The following TBC1D1 variants were observed in gnomAD, a reference collection of about 807,000 sequenced individuals.
TBC1D1 encodes the protein TBC1 domain family member 1.
Under a neutral mutation model 125.6 loss-of-function variants are expected in TBC1D1, and 89 were observed. The observed-to-expected ratio is 0.71, with a 90% confidence interval of 0.60 to 0.85. The LOEUF (loss-of-function observed/expected upper bound fraction) is 0.85. Among genes scored for constraint, TBC1D1 ranks in the 40% least tolerant of loss-of-function variants. The probability of loss-of-function intolerance (pLI) is 0.00; values close to 1 mark genes in which losing one functional copy is unlikely to be tolerated. For missense variants in TBC1D1, 1,377 were observed against 1,469.2 expected, an observed-to-expected ratio of 0.94 and a Z score of 1.03; for synonymous variants, 565 against 564.1, an observed-to-expected ratio of 1.00 and a Z score of -0.02.
chr4:38,099,496 C>T (rs1027993558), intron 14 of TBC1D1, among the ~76,000 whole-genome samples: 3 of 152,210 alleles, frequency 2.0e-5, no homozygotes, highest in Non-Finnish European at 4.4e-5. Flanking sequence ...CCTTCCTCCT[C>T]TTCACTGTCA....
At chr4:38,034,631 T>C (rs1746854553) in intron 7 of TBC1D1, among the ~76,000 whole-genome samples, 1 of 152,194 alleles carries the variant, frequency 6.6e-6, no homozygotes, top group Non-Finnish European at 1.5e-5. Flanking sequence ...ATTCAGATCC[T>C]TGTGTAGTTG....
chr4:38,064,005 C>G (rs975810799), intron 12 of TBC1D1, among the ~76,000 whole-genome samples: 1 of 151,868 alleles, frequency 6.6e-6, no homozygotes, highest in South Asian at 2.1e-4. Context: ...CCGTCCACCT[C>G]TAACCATAGA....
intron 2 of TBC1D1, among the ~76,000 whole-genome samples, chr4:37,929,689 T>A (rs575159418): frequency 1.8e-4 from 27 of 152,372 alleles, no homozygotes; most frequent in African/African-American, 5.8e-4. Context: ...GATGTAACTA[T>A]GCTTATATCA....
chr4:37,967,086 C>T (rs73810075), intron 2 of TBC1D1, among the ~76,000 whole-genome samples: 1,641 of 152,130 alleles, frequency 0.011, 36 homozygotes, highest in African/African-American at 0.038. Flanking sequence ...CTGTGCAATT[C>T]GAATCCAAAA....
chr4:38,051,061 ACTC>A, intron 11 of TBC1D1, among the ~76,000 whole-genome samples: 1 of 152,114 alleles, frequency 6.6e-6, no homozygotes, highest in African/African-American at 2.4e-5. Context: ...CTGCCTGCCC[ACTC>A]CTCTGTTGTT....
intron 12 of TBC1D1, among the ~76,000 whole-genome samples, chr4:38,070,869 C>T (rs1395281379): frequency 6.6e-6 from 1 of 152,094 alleles, no homozygotes; most frequent in African/African-American, 2.4e-5. Flanking sequence ...TCTAGAAAAC[C>T]TCATCTTCTC....
intron 13 of TBC1D1, among the ~76,000 whole-genome samples, 159 bp from the exon 16 acceptor site, chr4:38,095,770 A>G (rs1160642496): frequency 1.3e-5 from 2 of 152,194 alleles, no homozygotes; most frequent in Non-Finnish European, 2.9e-5. Flanking sequence ...AAAATGAGGA[A>G]AATGGGTAGA....
chr4:38,044,673 G>T (rs1178163967), intron 9 of TBC1D1, among the ~76,000 whole-genome samples, 183 bp downstream of exon 9: 1 of 151,904 alleles, frequency 6.6e-6, no homozygotes, highest in Non-Finnish European at 1.5e-5. Flanking sequence ...TTTGGCCTAG[G>T]TTTAAAAAAA....
chr4:37,992,051 C>G (rs979519144), intron 2 of TBC1D1, among the ~76,000 whole-genome samples: 1 of 152,220 alleles, frequency 6.6e-6, no homozygotes. Context: ...TTGAGTGGAG[C>G]CCCATTGGTG....
chr4:37,940,972 G>C (rs968329426), intron 2 of TBC1D1, among the ~76,000 whole-genome samples: 1 of 152,108 alleles, frequency 6.6e-6, no homozygotes, highest in Non-Finnish European at 1.5e-5. Flanking sequence ...CAGGGATATT[G>C]GTTTATAATT....
rs1017002442 is a variant in TBC1D1 at position 38,103,176 on chromosome 4, T to C, written c.2557+19T>C. The C allele has an allele frequency of 1.3e-6, 2 of 1,596,548 alleles. No individual in the cohort carries two copies. Among genetic ancestry groups the C allele is most frequent in the African/African-American group, 2.7e-5 (2 of 74,156 alleles). On this transcript the variant is annotated intron_variant, in intron 15 of 19. Coordinates refer to ENST00000261439, the MANE Select transcript of TBC1D1 (RefSeq NM_015173.4). The stretch of plus-strand genomic sequence containing the variant: ...GACCTTGGTAAGTCTGTGCCATCGA[T>C]TGGAGATGACAATGGAAGTTTCACT...
At chr4:37,927,869 G>C (rs1353961622) in intron 2 of TBC1D1, among the ~76,000 whole-genome samples, 1 of 152,158 alleles carries the variant, frequency 6.6e-6, no homozygotes, top group Non-Finnish European at 1.5e-5. Flanking sequence ...CCTGTGAATA[G>C]CCACCGCACT....
intron 2 of TBC1D1, among the ~76,000 whole-genome samples, chr4:37,991,357 G>A (rs1447872938): frequency 6.6e-6 from 1 of 152,178 alleles, no homozygotes; most frequent in Non-Finnish European, 1.5e-5. Context: ...GTACCTCTCC[G>A]CTGATCTGGG....
chr4:38,086,585 C>A (rs1015245102), intron 12 of TBC1D1, among the ~76,000 whole-genome samples: 3 of 152,116 alleles, frequency 2.0e-5, no homozygotes, highest in Non-Finnish European at 4.4e-5. Context: ...GGCCTGGATC[C>A]CCCGACCAAA....
intron 18 of TBC1D1, among the ~76,000 whole-genome samples, chr4:38,128,142 T>G (rs1414499240): frequency 1.3e-5 from 2 of 152,150 alleles, no homozygotes; most frequent in African/African-American, 2.4e-5. Flanking sequence ...CAGAGAGCAA[T>G]TCTCAGAACC....
chr4:37,893,853 G>A (rs1239694502), intron 1 of TBC1D1, among the ~76,000 whole-genome samples: 1 of 152,122 alleles, frequency 6.6e-6, no homozygotes, highest in East Asian at 1.9e-4. Flanking sequence ...AAGGATTTAG[G>A]TTTTCAGTCA....
rs781771203 is a variant in TBC1D1, at chr4:38,137,330, G to A, written c.3502G>A (p.Asp1168Asn). The change falls in exon 20 of 20, where the codon GAC (aspartate) becomes AAC (asparagine). Residue 1168 changes from aspartate to asparagine, a missense_variant. Physicochemically the swap from Asp to Asn is conservative, Grantham distance 23. Coordinates refer to ENST00000261439, the MANE Select transcript of TBC1D1 (RefSeq NM_015173.4). Reference sequence around the variant, plus strand: ...GTGCACGCAGCCCGAGCCCACGGGCGACTGACAGCTCTGCAGGAGAGATTG... The same window carrying A: ...GTGCACGCAGCCCGAGCCCACGGGCAACTGACAGCTCTGCAGGAGAGATTG... 17 of 1,605,314 alleles carry A rather than the reference G, an allele frequency of 1.1e-5. No homozygotes were observed. Among genetic ancestry groups the A allele is most frequent in the South Asian group, 3.3e-5 (3 of 90,210 alleles).
intron 2 of TBC1D1, among the ~76,000 whole-genome samples, chr4:37,946,862 C>T (rs1577988240): frequency 6.6e-6 from 1 of 152,218 alleles, no homozygotes; most frequent in East Asian, 1.9e-4. Flanking sequence ...TGGTATTTAC[C>T]CAAGAGAAAG....
intron 2 of TBC1D1, among the ~76,000 whole-genome samples, chr4:37,954,606 G>A (rs982814823): frequency 1.3e-5 from 2 of 152,122 alleles, no homozygotes; most frequent in Non-Finnish European, 2.9e-5. Flanking sequence ...AAGAATGGAC[G>A]GAGACCAGTG....
Sources: gnomAD v4.1 joint callset for allele counts (sites outside exome capture counted in the v4.1 genomes callset) on GRCh38, gnomAD v4.1.1 for gene constraint, MANE v1.5 for transcripts, NCBI Gene and HGNC (gene_info 2026-07-23, HGNC 2026-07-21) for gene names.